Variants in ASAP1 observed in about 807,000 individuals in gnomAD.
ASAP1 encodes the protein arf-GAP with SH3 domain, ANK repeat and PH domain-containing protein 1.
A neutral mutation model predicts 145.2 loss-of-function variants in ASAP1; 43 were observed. The ratio of observed to expected loss-of-function variants is 0.30; its 90% confidence interval spans 0.23 to 0.38. The LOEUF (loss-of-function observed/expected upper bound fraction) is 0.38, where lower values mean the gene tolerates loss of function less well. Ranked by LOEUF, ASAP1 falls within the 10% of genes least tolerant of loss-of-function variation. The pLI, the probability that ASAP1 is intolerant of heterozygous loss-of-function variation, is 1.00. For missense variants in ASAP1, 1,018 were observed against 1,355.3 expected (o/e 0.75, Z 3.91); for synonymous variants, 546 against 515.5 (o/e 1.06, Z -0.80).
chr8:130,438,474 A>C (rs1276700435), intron 1 of ASAP1, among the ~76,000 whole-genome samples: 1 of 152,174 alleles, frequency 6.6e-6, no homozygotes, highest in African/African-American at 2.4e-5. Flanking sequence ...TTAGCCATAC[A>C]AAAGGAACAA....
At chr8:130,160,752 G>A (rs1243243724) in intron 11 of ASAP1, 4 of 1,245,760 alleles carry the variant, frequency 3.2e-6, no homozygotes, top group Admixed American at 2.5e-5. Context: ...ATACAAGTAG[G>A]ACAATATATT....
intron 2 of ASAP1, among the ~76,000 whole-genome samples, chr8:130,367,041 G>A (rs181157111): frequency 9.2e-5 from 14 of 151,768 alleles, no homozygotes; most frequent in East Asian, 3.9e-4. Context: ...ACAGGTGTGC[G>A]CCACCACACC....
intron 1 of ASAP1, among the ~76,000 whole-genome samples, chr8:130,402,824 G>A (rs907310441): frequency 5.9e-5 from 9 of 151,906 alleles, no homozygotes; most frequent in Non-Finnish European, 1.2e-4. Context: ...TCTTACCTGG[G>A]CCACTGCAGC....
At chr8:130,062,620 A>G (rs911119624) in intron 27 of ASAP1, among the ~76,000 whole-genome samples, 2 of 152,238 alleles carry the variant, frequency 1.3e-5, no homozygotes, top group African/African-American at 2.4e-5. Context: ...ATGGGGCAAG[A>G]GAAACTCTAA....
In ASAP1 at chr8:130,427,927, T is replaced by G. The variant is rs1168056385; in HGVS notation, c.-28+15533A>C. 4 of 152,324 alleles carry G rather than the reference T, an allele frequency of 2.6e-5. No homozygotes were observed. The East Asian group carries it at 7.7e-4, about 29-fold the overall frequency. The allele number at this position is 152,324 out of a possible 1,614,324, so 9.4% of individuals were successfully genotyped here. ...GGCAGGATTAAGACCTACCTTCTTC[T>G]CAATTTCAATCTAGTCTCTGCTCAC... On this transcript the variant is annotated intron_variant, in intron 1 of 29. Transcript: ENST00000518721.
chr8:130,086,171 C>T (rs569506497), intron 25 of ASAP1, among the ~76,000 whole-genome samples: 1 of 152,224 alleles, frequency 6.6e-6, no homozygotes, highest in Admixed American at 6.5e-5. Flanking sequence ...CTGCATTTTG[C>T]GAGCACAGAG....
intron 3 of ASAP1, among the ~76,000 whole-genome samples, chr8:130,300,184 A>AGAGAGAGCGAGCGAGCGAGC (rs761456724): frequency 7.1e-6 from 1 of 140,284 alleles, no homozygotes; most frequent in African/African-American, 2.8e-5. Flanking sequence ...AGAGAGAGAG[A>AGAGAGAGCGAGCGAGCGAGC]GAGCGAGCGA....
rs371160274 is a variant in ASAP1 at position 130,131,105 on chromosome 8, C to T, written c.1218-3015G>A. Among the ~76,000 whole-genome samples the T allele has an allele frequency of 2.2e-3, 333 of 151,804 alleles. 2 individuals are homozygous for T. The highest frequency in any genetic ancestry group is 7.5e-3 in the African/African-American group (312 of 41,404). Reference sequence around the variant, plus strand: ...CCGGGAGGCATAGGTTGCAGTGAGCCGAGATCGCGCCACTGCACTCCAGCC... The same window carrying T: ...CCGGGAGGCATAGGTTGCAGTGAGCTGAGATCGCGCCACTGCACTCCAGCC... On this transcript the variant is annotated intron_variant, in intron 15 of 29. Transcript: ENST00000518721.
intron 3 of ASAP1, among the ~76,000 whole-genome samples, chr8:130,345,333 C>T (rs1282284489): frequency 6.6e-6 from 1 of 152,206 alleles, no homozygotes; most frequent in African/African-American, 2.4e-5. Flanking sequence ...TTGTGACTGG[C>T]TGCCCCAGAT....
intron 3 of ASAP1, among the ~76,000 whole-genome samples, chr8:130,264,141 G>C (rs1820105282): frequency 6.6e-6 from 1 of 152,054 alleles, no homozygotes; most frequent in Non-Finnish European, 1.5e-5. Context: ...CTCCAGATAA[G>C]GAGAAGAGAA....
chr8:130,314,581 G>C (rs1823555238), intron 3 of ASAP1, among the ~76,000 whole-genome samples: 1 of 152,220 alleles, frequency 6.6e-6, no homozygotes, highest in South Asian at 2.1e-4. Flanking sequence ...AGGAAACACA[G>C]ATTGCCAGGC....
At chr8:130,321,030 G>A (rs927065889) in intron 3 of ASAP1, among the ~76,000 whole-genome samples, 6 of 152,160 alleles carry the variant, frequency 3.9e-5, no homozygotes, top group African/African-American at 1.4e-4. Context: ...AATCAAGAAT[G>A]CTGGCTGAGG....
At chr8:130,188,739 A>AAAAAAAAAAAG (rs1554842792) in intron 5 of ASAP1, among the ~76,000 whole-genome samples, 2 of 150,438 alleles carry the variant, frequency 1.3e-5, no homozygotes. Flanking sequence ...AAAAAAAAAA[A>AAAAAAAAAAAG]AAAAAAGAAA....
At chr8:130,361,628 T>G in intron 2 of ASAP1, 1 of 1,378,030 alleles carries the variant, frequency 7.3e-7, no homozygotes, top group African/African-American at 1.4e-5. Flanking sequence ...CTCCTCAGAC[T>G]GGTCTGCAAT....
At chr8:130,088,625 T>A (rs2097499009) in intron 25 of ASAP1, among the ~76,000 whole-genome samples, 1 of 152,164 alleles carries the variant, frequency 6.6e-6, no homozygotes, top group African/African-American at 2.4e-5. Context: ...CTGCTGGATT[T>A]TGGACCTCTA....
At chr8:130,133,016 G>C (rs1254742322) in intron 15 of ASAP1, among the ~76,000 whole-genome samples, 1 of 152,170 alleles carries the variant, frequency 6.6e-6, no homozygotes, top group African/African-American at 2.4e-5. Flanking sequence ...AAGGCAAAAA[G>C]GGTATGAGCA....
chr8:130,422,959 G>C (rs992929015), intron 1 of ASAP1, among the ~76,000 whole-genome samples: 1 of 152,214 alleles, frequency 6.6e-6, no homozygotes, highest in Non-Finnish European at 1.5e-5. Context: ...AGGAAATTGA[G>C]GTCCTCAGAG....
At chr8:130,364,835 C>G (rs79140028) in intron 2 of ASAP1, among the ~76,000 whole-genome samples, 4,310 of 152,242 alleles carry the variant, frequency 0.028, 73 homozygotes, top group African/African-American at 0.048. Flanking sequence ...TTGGCTCTGA[C>G]TCATCTCTCA....
In ASAP1 at chr8:130,108,757, G is replaced by GTTTTTTTTTT. The variant is rs10568607; in HGVS notation, c.2401+3327_2401+3336dup. On this transcript the variant is annotated intron_variant, in intron 24 of 29. Coordinates refer to ENST00000518721, the MANE Select transcript of ASAP1 (RefSeq NM_018482.4). ...TAATCTTGGCAAGCCTCAAAAACCA[G>GTTTTTTTTTT]TTTTTTTTTTTTTTTTTTTTTTTTT... Among the ~76,000 whole-genome samples the GTTTTTTTTTT allele has an allele frequency of 2.3e-4, 12 of 51,560 alleles. 1 individual carries two copies. Among genetic ancestry groups the GTTTTTTTTTT allele is most frequent in the East Asian group, 8.5e-4 (1 of 1,170 alleles). 33.8% of individuals were successfully genotyped at this position (51,560 alleles called of 152,430 possible).
Sources: gnomAD v4.1 joint callset for allele counts (sites outside exome capture counted in the v4.1 genomes callset) on GRCh38, gnomAD v4.1.1 for gene constraint, MANE v1.5 for transcripts, NCBI Gene and HGNC (gene_info 2026-07-23, HGNC 2026-07-21) for gene names.